The following PLAUR variants were observed in gnomAD, a reference collection of about 807,000 sequenced individuals.
The protein encoded by PLAUR is urokinase plasminogen activator surface receptor.
PLAUR carries 22 observed loss-of-function variants against 33.4 expected under a neutral mutation model. That is an observed-to-expected ratio of 0.66 (90% CI 0.47 to 0.94). PLAUR has a LOEUF of 0.94. PLAUR is among the 40% of genes least tolerant of loss of function. The pLI is 0.00. For synonymous variants in PLAUR, 148 were observed against 167.3 expected, an observed-to-expected ratio of 0.88 and a Z score of 0.89; for missense variants, 408 against 434.7, an observed-to-expected ratio of 0.94 and a Z score of 0.55.
At chr19:43,657,848 G>A (rs886400620) in intron 3 of PLAUR, among the ~76,000 whole-genome samples, 4 of 152,158 alleles carry the variant, frequency 2.6e-5, no homozygotes, top group African/African-American at 9.7e-5. Flanking sequence ...ATTGTTCCCT[G>A]TGGTAGCCTG....
chr19:43,663,341 A>G (rs1388307205), intron 3 of PLAUR, among the ~76,000 whole-genome samples: 2 of 136,064 alleles, frequency 1.5e-5, no homozygotes, highest in East Asian at 5.1e-4. Flanking sequence ...ACACACACAC[A>G]CACACACACA....
intron 3 of PLAUR, among the ~76,000 whole-genome samples, chr19:43,657,378 G>T (rs1974256799): frequency 6.6e-6 from 1 of 151,982 alleles, no homozygotes; most frequent in African/African-American, 2.4e-5. Flanking sequence ...CAAATACTGG[G>T]GCCTGAGCAC....
chr19:43,657,791 T>A (rs1312448848), intron 3 of PLAUR, among the ~76,000 whole-genome samples: 1 of 152,232 alleles, frequency 6.6e-6, no homozygotes, highest in African/African-American at 2.4e-5. Flanking sequence ...ATTCAATGCA[T>A]ATTTGTTAAA....
At position 43,668,684 on chromosome 19, in the gene PLAUR, G is replaced by T. The variant is rs577744078; in HGVS notation, c.56-993C>A. Among the ~76,000 whole-genome samples, 33 of 143,764 alleles carry T rather than the reference G, an allele frequency of 2.3e-4. 1 individual carries two copies. In the South Asian group the frequency reaches 7.2e-3, roughly 32 times the overall value. 94.3% of individuals were successfully genotyped at this position (143,764 alleles called of 152,430 possible). Reference sequence around the variant, plus strand: ...AACCCCGCCCCTAGCCCCTCCTTGAGGTTCCAGCCCCGCCCTCTAGCTCCT... The same window carrying T: ...AACCCCGCCCCTAGCCCCTCCTTGATGTTCCAGCCCCGCCCTCTAGCTCCT... On this transcript the variant is annotated intron_variant, in intron 1 of 6. Coordinates refer to ENST00000340093, the MANE Select transcript of PLAUR (RefSeq NM_002659.4).
downstream of PLAUR, chr19:43,646,541 T>C (rs1973827660): frequency 1.4e-6 from 1 of 717,462 alleles, no homozygotes; most frequent in East Asian, 2.7e-5. Context: ...TTCCCCAGAG[T>C]GAGCGTTCTA....
chr19:43,666,623 A>G (rs1967267172), intron 2 of PLAUR, among the ~76,000 whole-genome samples: 1 of 151,258 alleles, frequency 6.6e-6, no homozygotes, highest in African/African-American at 2.4e-5. Flanking sequence ...GCTGGAGTGC[A>G]ATGGCACAAT....
Position 43,654,104 on chromosome 19 carries a change from A to C in PLAUR, c.607+1335T>G, listed in dbSNP as rs1974108876. Among the ~76,000 whole-genome samples the C allele has an allele frequency of 2.6e-5, 4 of 151,586 alleles. No individual in the cohort carries two copies. The South Asian group carries it at 8.4e-4, about 32-fold the overall frequency. On this transcript the variant is annotated intron_variant, in intron 5 of 6. Transcript: ENST00000340093. ...GCGCCACTGCACTCCAGCCTGGGCA[A>C]CAGCGCAAGACTCCATCTCAGAAAA...
chr19:43,667,643 C>A lies in PLAUR; in HGVS notation c.104G>T (p.Arg35Leu). 6.2e-7 allele frequency: 1 copy of A among 1,614,032 alleles called. No homozygotes were observed. The highest frequency in any genetic ancestry group is 8.5e-7 in the Non-Finnish European group (1 of 1,180,000). The change falls in exon 2 of 7, where the codon CGT becomes CTT. Residue 35 changes from arginine (R) to leucine (L), a missense_variant. By Grantham distance (102) the Arg-to-Leu change is moderately radical (BLOSUM62 -2). Transcript: ENST00000340093. The stretch of plus-strand genomic sequence containing the variant: ...CTGTCCCAGGGCGCACTCTTCCACA[C>A]GGCAATCCCCGTTGGTCTTACACTG... ...CMQCKTNGDC[R>L]VEECALGQDL...
chr19:43,659,562 C>T (rs1430543935), intron 3 of PLAUR, among the ~76,000 whole-genome samples: 1 of 152,182 alleles, frequency 6.6e-6, no homozygotes, highest in Non-Finnish European at 1.5e-5. Flanking sequence ...AAATCTCTCT[C>T]TAGTCTAGAC....
At chr19:43,669,382 A>G (rs1227817575) in intron 1 of PLAUR, among the ~76,000 whole-genome samples, 1 of 152,152 alleles carries the variant, frequency 6.6e-6, no homozygotes, top group Non-Finnish European at 1.5e-5. Context: ...CTGCGTATTC[A>G]AGCACTGGCT....
chr19:43,667,498 C>T, intron 2 of PLAUR, 83 bp downstream of exon 2: 2 of 912,890 alleles, frequency 2.2e-6, no homozygotes, highest in South Asian at 2.7e-5. Context: ...GTTTGCATGT[C>T]CCAGTTACTG....
intron 1 of PLAUR, among the ~76,000 whole-genome samples, chr19:43,669,806 T>C (rs4251806): frequency 0.031 from 2,397 of 78,310 alleles, 74 homozygotes; most frequent in African/African-American, 0.11. Context: ...AGTGAGACTC[T>C]GTCAAAAAAA....
rs142713844 is a variant in PLAUR, at chr19:43,652,309, T to C, written c.670A>G (p.Thr224Ala). 298 of 1,613,948 alleles carry C rather than the reference T, an allele frequency of 1.8e-4. 1 individual carries two copies. Among genetic ancestry groups the C allele is most frequent in the Non-Finnish European group, 2.4e-4 (287 of 1,179,972 alleles). Reference sequence around the variant, plus strand: ...GTCTCTTCAGAGGAGCATCCATGGGTGCTGTTCCCCTTGCAGCTGTAACAC... The same window carrying C: ...GTCTCTTCAGAGGAGCATCCATGGGCGCTGTTCCCCTTGCAGCTGTAACAC... ...RQCYSCKGNS[T>A]HGCSSEETFL... is the part of the protein sequence containing the mutation. The change falls in exon 6 of 7, where the codon ACC becomes GCC. Residue 224 changes from threonine (T) to alanine (A), a missense_variant. Thr to Ala is a moderately conservative substitution (Grantham distance 58). Transcript: ENST00000340093.
Position 43,650,019 on chromosome 19 carries a change from T to G in PLAUR, c.755-876A>C, listed in dbSNP as rs1002370362. On this transcript the variant is annotated intron_variant, in intron 6 of 6. Transcript: ENST00000340093. ...GTTTTCTCATTACGCTTTTTTTTTG[T>G]TTTTTTTTTTGAGATGGAGTCTCAC... Among the ~76,000 whole-genome samples the G allele has an allele frequency of 6.3e-5, 5 of 79,942 alleles. 1 individual carries two copies. The highest frequency in any genetic ancestry group is 5.2e-4 in the Admixed American group (4 of 7,658). The allele number at this position is 79,942 out of a possible 152,430, so 52.4% of individuals were successfully genotyped here.
intron 6 of PLAUR, chr19:43,651,863 C>G (rs75195802): frequency 6.6e-5 from 68 of 1,035,872 alleles, no homozygotes; most frequent in Admixed American, 9.9e-5. Context: ...CCACAACCCA[C>G]GAGAAATCCA....
chr19:43,654,238 C>T (rs193208650), intron 5 of PLAUR, among the ~76,000 whole-genome samples: 5 of 152,052 alleles, frequency 3.3e-5, no homozygotes, highest in African/African-American at 4.8e-5. Context: ...GGCAGTGAGC[C>T]GTGATTGTGC....
At chr19:43,650,226 G>T (rs1244784775) in intron 6 of PLAUR, among the ~76,000 whole-genome samples, 3 of 151,796 alleles carry the variant, frequency 2.0e-5, no homozygotes, top group Non-Finnish European at 4.4e-5. Context: ...GGCCAGGCTG[G>T]TCTCGAACTC....
intron 3 of PLAUR, among the ~76,000 whole-genome samples, chr19:43,660,119 T>C (rs1850660538): frequency 6.6e-6 from 1 of 151,248 alleles, no homozygotes. Context: ...TATTTTTTGT[T>C]TTTTGTTTTG....
At chr19:43,668,349 C>T (rs1470802338) in intron 1 of PLAUR, 6 of 974,322 alleles carry the variant, frequency 6.2e-6, no homozygotes, top group Non-Finnish European at 7.3e-6. Flanking sequence ...CCAGACTCAT[C>T]GTCGAGGTTC....
Sources: gnomAD v4.1 joint callset for allele counts (sites outside exome capture counted in the v4.1 genomes callset) on GRCh38, gnomAD v4.1.1 for gene constraint, MANE v1.5 for transcripts, NCBI Gene and HGNC (gene_info 2026-07-23, HGNC 2026-07-21) for gene names.